DGKI: variants seen among roughly 807,000 people sequenced by gnomAD.
DGKI encodes DAG kinase iota.
A neutral mutation model predicts 147.5 loss-of-function variants in DGKI; 55 were observed. The observed-to-expected ratio is 0.37, with a 90% CI of 0.30 to 0.47. The LOEUF is 0.47. Ranked by LOEUF, DGKI falls within the 20% of genes least tolerant of loss-of-function variation. The pLI, the probability that DGKI is intolerant of heterozygous loss-of-function variation, is 1.00. For synonymous variants in DGKI, 469 were observed against 477.1 expected, an observed-to-expected ratio of 0.98 and a Z score of 0.22; for missense variants, 1,007 against 1,323.8, an observed-to-expected ratio of 0.76 and a Z score of 3.71.
intron 3 of DGKI, among the ~76,000 whole-genome samples, chr7:137,662,420 T>C (rs1004903557): frequency 3.8e-4 from 58 of 152,184 alleles, no homozygotes; most frequent in African/African-American, 1.4e-3. Context: ...ATTTTTTGTA[T>C]TTTTAGTAGA....
chr7:137,742,826 T>A (rs1795217529), intron 1 of DGKI, among the ~76,000 whole-genome samples: 1 of 152,198 alleles, frequency 6.6e-6, no homozygotes, highest in Non-Finnish European at 1.5e-5. Flanking sequence ...TGGAATTTAT[T>A]ACAAAAGATA....
intron 1 of DGKI, among the ~76,000 whole-genome samples, chr7:137,754,546 T>C (rs1444971544): frequency 1.3e-5 from 2 of 152,182 alleles, no homozygotes; most frequent in Admixed American, 6.5e-5. Flanking sequence ...GAGCTGTCAC[T>C]GTGCGACCTC....
At chr7:137,568,432 C>A (rs1241444888) in intron 19 of DGKI, among the ~76,000 whole-genome samples, 1 of 152,166 alleles carries the variant, frequency 6.6e-6, no homozygotes, top group African/African-American at 2.4e-5. Context: ...ATTTGCTGCC[C>A]CAGCTGCCTC....
intron 1 of DGKI, among the ~76,000 whole-genome samples, chr7:137,742,822 T>G (rs934563212): frequency 5.9e-5 from 9 of 152,092 alleles, no homozygotes; most frequent in African/African-American, 2.2e-4. Flanking sequence ...ATAATGGAAT[T>G]TATTACAAAA....
chr7:137,402,447 A>G (rs1406009407), intron 30 of DGKI, among the ~76,000 whole-genome samples: 1 of 152,246 alleles, frequency 6.6e-6, no homozygotes, highest in Non-Finnish European at 1.5e-5. Flanking sequence ...GAAAGTGAAC[A>G]TCGTGTTAAG....
chr7:137,769,661 A>C lies in DGKI; in HGVS notation c.401+76801T>G, dbSNP rs564025240. On this transcript the variant is annotated intron_variant, in intron 1 of 32. Transcript: ENST00000614521. ...AAAACAACCCCATCAAAAAGTGGGC[A>C]AAGGATATGAACAGACACTTCTCAA... Among the ~76,000 whole-genome samples the C allele has an allele frequency of 4.5e-4, 68 of 152,348 alleles. 1 individual carries two copies. In the South Asian group the frequency reaches 0.014, roughly 31 times the overall value.
At chr7:137,673,645 G>C (rs1318689228) in intron 3 of DGKI, among the ~76,000 whole-genome samples, 1 of 152,124 alleles carries the variant, frequency 6.6e-6, no homozygotes, top group Non-Finnish European at 1.5e-5. Flanking sequence ...TCAAACCCAG[G>C]TCAGTCCACA....
intron 9 of DGKI, 54 bp from the exon 10 acceptor site, chr7:137,609,118 C>G: frequency 6.9e-7 from 1 of 1,457,166 alleles, no homozygotes; most frequent in Admixed American, 1.7e-5. Context: ...TGAAAGGCAA[C>G]CCCAAGGCAA....
intron 1 of DGKI, among the ~76,000 whole-genome samples, chr7:137,825,699 CACAT>C (rs1410479958): frequency 2.0e-5 from 3 of 151,676 alleles, no homozygotes; most frequent in Non-Finnish European, 4.4e-5. Flanking sequence ...CACACACATA[CACAT>C]ACACTCACAC....
At chr7:137,768,864 G>A (rs1238100221) in intron 1 of DGKI, among the ~76,000 whole-genome samples, 2 of 152,076 alleles carry the variant, frequency 1.3e-5, no homozygotes, top group East Asian at 1.9e-4. Context: ...TCTATATGGC[G>A]GCTTCATCAG....
chr7:137,557,148 A>T (rs1646387), intron 19 of DGKI, among the ~76,000 whole-genome samples: 16,622 of 152,140 alleles, frequency 0.11, 2,054 homozygotes, highest in African/African-American at 0.3. Flanking sequence ...TCACGTGAGA[A>T]TAAAATAAAT....
At chr7:137,601,239 T>C (rs998334173) in intron 10 of DGKI, among the ~76,000 whole-genome samples, 20 of 150,866 alleles carry the variant, frequency 1.3e-4, no homozygotes, top group Non-Finnish European at 2.2e-4. Flanking sequence ...CCACTACACT[T>C]CGGCCTGGGT....
chr7:137,591,836 A>G (rs1819628349), intron 12 of DGKI, among the ~76,000 whole-genome samples: 3 of 152,212 alleles, frequency 2.0e-5, no homozygotes, highest in African/African-American at 7.2e-5. Flanking sequence ...TCCTAGAAGA[A>G]AAATGCCCTC....
At chr7:137,515,299 C>G (rs183267092) in intron 21 of DGKI, among the ~76,000 whole-genome samples, 27 of 152,260 alleles carry the variant, frequency 1.8e-4, no homozygotes, top group Admixed American at 1.1e-3. Context: ...ATTATTTATT[C>G]AATTGTCTGT....
chr7:137,449,005 A>G (rs1813842807), intron 27 of DGKI, among the ~76,000 whole-genome samples: 1 of 152,204 alleles, frequency 6.6e-6, no homozygotes, highest in Non-Finnish European at 1.5e-5. Context: ...ATACAAATAA[A>G]TGGAAAGACA....
intron 1 of DGKI, among the ~76,000 whole-genome samples, chr7:137,814,492 C>T (rs1312432875): frequency 1.3e-5 from 2 of 151,894 alleles, no homozygotes; most frequent in Admixed American, 1.3e-4. Flanking sequence ...TGTTTGAAAC[C>T]CCTCAAATCC....
intron 1 of DGKI, among the ~76,000 whole-genome samples, chr7:137,762,155 G>A (rs1389319948): frequency 6.6e-6 from 1 of 152,148 alleles, no homozygotes; most frequent in Non-Finnish European, 1.5e-5. Context: ...TAATGCCAAT[G>A]TGACCAGTTC....
rs552520182 is a variant in DGKI at position 137,830,937 on chromosome 7, T to C, written c.401+15525A>G. Among the ~76,000 whole-genome samples, 24 of 152,312 alleles carry C rather than the reference T, an allele frequency of 1.6e-4. No individual in the cohort carries two copies. The South Asian group carries it at 4.8e-3, about 30-fold the overall frequency. ...TTTGACTTAAATTATTTCCCCTGTG[T>C]GAGACAGTTTTCTCATCTGTACAAT... On this transcript the variant is annotated intron_variant, in intron 1 of 32. Transcript: ENST00000614521.
At chr7:137,555,078 G>A (rs987654251) in intron 19 of DGKI, among the ~76,000 whole-genome samples, 7 of 151,012 alleles carry the variant, frequency 4.6e-5, no homozygotes, top group Admixed American at 6.6e-5. Flanking sequence ...CACCACACCC[G>A]GCTAATTTTT....
Sources: gnomAD v4.1 joint callset for allele counts (sites outside exome capture counted in the v4.1 genomes callset) on GRCh38, gnomAD v4.1.1 for gene constraint, MANE v1.5 for transcripts, NCBI Gene and HGNC (gene_info 2026-07-23, HGNC 2026-07-21) for gene names.